SAXO2: variants seen among roughly 807,000 people sequenced by gnomAD.
SAXO2 encodes family with sequence similarity 154, member B.
In SAXO2, 17 loss-of-function variants were observed where a neutral mutation model predicts 18.7. The ratio of observed to expected loss-of-function variants is 0.91; its 90% CI spans 0.62 to 1.36. SAXO2 has a LOEUF of 1.36. SAXO2 is among the 40% of genes most tolerant of loss of function. The pLI, the probability that SAXO2 is intolerant of heterozygous loss-of-function variation, is 0.00. For missense variants in SAXO2, 486 were observed against 562.6 expected (o/e 0.86, Z 1.38); for synonymous variants, 163 against 181.2 (o/e 0.90, Z 0.81).
chr15:82,265,880 G>C (rs1413386423), intron 2 of SAXO2, 132 bp downstream of exon 2: 1 of 469,912 alleles, frequency 2.1e-6, no homozygotes. Flanking sequence ...CAAGAGACTA[G>C]TTAAGTCACA....
Position 82,282,635 on chromosome 15 carries a change from C to CAT in SAXO2, c.953_954dup (p.Gln319IlefsTer28), listed in dbSNP as rs1473492568. The CAT allele has an allele frequency of 4.3e-6, 7 of 1,614,016 alleles. No individual in the cohort carries two copies. Among genetic ancestry groups the CAT allele is most frequent in the African/African-American group, 1.3e-5 (1 of 74,918 alleles). ...AGCACAAGCCATCTTGACTATGTTCCATATCAGGCCAACCATGTTGTTCCC... is the reference window on the plus strand; with the variant it reads ...AGCACAAGCCATCTTGACTATGTTCCATATATCAGGCCAACCATGTTGTTCCC... On this transcript the variant is annotated frameshift_variant, in exon 4 of 4. Transcript: ENST00000682753. LOFTEE classifies it high-confidence loss of function.
chr15:82,279,233 T>C (rs1223991191), intron 3 of SAXO2, among the ~76,000 whole-genome samples: 1 of 151,912 alleles, frequency 6.6e-6, no homozygotes, highest in Middle Eastern at 3.2e-3. Context: ...TGGCCTCTTC[T>C]TTTTTCTTTT....
At chr15:82,278,833 G>T (rs1006583097) in intron 3 of SAXO2, among the ~76,000 whole-genome samples, 20 of 151,974 alleles carry the variant, frequency 1.3e-4, no homozygotes, top group African/African-American at 4.6e-4. Context: ...AGTAACAAAA[G>T]AAATTAGAAA....
chr15:82,263,189 G>C lies in SAXO2; in HGVS notation c.53+257G>C, dbSNP rs1300855966. 7.6e-6 allele frequency: 11 copies of C among 1,453,444 alleles called. No individual in the cohort carries two copies. In the South Asian group the frequency reaches 1.3e-4, roughly 17 times the overall value. 90.0% of individuals were successfully genotyped at this position (1,453,444 alleles called of 1,614,324 possible). On this transcript the variant is annotated intron_variant, in intron 1 of 3. Coordinates refer to ENST00000682753, the MANE Select transcript of SAXO2 (RefSeq NM_001348699.2). ...CAAAGTAAAATGCCACCCGGGCCAG[G>C]TAAGTAATATATGTGAAGCCGCGAC...
In SAXO2 at chr15:82,283,299, G is replaced by A; in HGVS notation, c.*237G>A. Reference sequence around the variant, plus strand: ...AAGGTTGAATAATATGCATTCCCATGAGAACTATTTTAGTATTCAACATAC... The same window carrying A: ...AAGGTTGAATAATATGCATTCCCATAAGAACTATTTTAGTATTCAACATAC... On this transcript the variant is annotated 3_prime_UTR_variant, in exon 4 of 4. Coordinates refer to ENST00000682753, the MANE Select transcript of SAXO2 (RefSeq NM_001348699.2). 1 of 290,850 alleles carries A rather than the reference G, an allele frequency of 3.4e-6. No homozygotes were observed. Among genetic ancestry groups the A allele is most frequent in the Non-Finnish European group, 6.2e-6 (1 of 161,470 alleles). The allele number at this position is 290,850 out of a possible 1,614,324, so 18.0% of individuals were successfully genotyped here.
At position 82,284,379 on chromosome 15, in the gene SAXO2, G is replaced by C. The variant is rs1397318451; in HGVS notation, c.*1317G>C. Reference sequence around the variant, plus strand: ...AGCTTGGAATGGGGTAAATACAGTGGTTTGAATAACAGTATTTGCAGAAAG... The same window carrying C: ...AGCTTGGAATGGGGTAAATACAGTGCTTTGAATAACAGTATTTGCAGAAAG... On this transcript the variant is annotated 3_prime_UTR_variant, in exon 4 of 4. Coordinates refer to ENST00000682753, the MANE Select transcript of SAXO2 (RefSeq NM_001348699.2). 1 of 152,012 alleles carries C rather than the reference G, an allele frequency of 6.6e-6. No homozygotes were observed. Among genetic ancestry groups the C allele is most frequent in the Non-Finnish European group, 1.5e-5 (1 of 67,996 alleles). The allele number at this position is 152,012 out of a possible 1,614,324, so 9.4% of individuals were successfully genotyped here. A position where few individuals can be genotyped will look rare whatever the true frequency, so the allele number is the denominator to read the frequency against.
At chr15:82,263,583 GT>G (rs2075166295) in intron 1 of SAXO2, 1 of 600,026 alleles carries the variant, frequency 1.7e-6, no homozygotes, top group Non-Finnish European at 3.0e-6. Flanking sequence ...AAATATGAAC[GT>G]TGTCAATCCC....
At chr15:82,269,782 C>G (rs149195799) in intron 2 of SAXO2, among the ~76,000 whole-genome samples, 2 of 152,206 alleles carry the variant, frequency 1.3e-5, no homozygotes, top group African/African-American at 2.4e-5. Flanking sequence ...TGAGCTGTTG[C>G]AAAAACTTTG....
intron 1 of SAXO2, among the ~76,000 whole-genome samples, chr15:82,263,664 C>T (rs1440529846): frequency 6.6e-6 from 1 of 152,150 alleles, no homozygotes; most frequent in African/African-American, 2.4e-5. Flanking sequence ...TTAATAGTCT[C>T]ATAATAAACA....
chr15:82,271,700 A>C lies in SAXO2; in HGVS notation c.331A>C (p.Lys111Gln). The C allele has an allele frequency of 6.2e-7, 1 of 1,614,164 alleles. No homozygotes were observed. The highest frequency in any genetic ancestry group is 8.5e-7 in the Non-Finnish European group (1 of 1,180,008). Residue 111 changes from lysine to glutamine, a missense_variant, in exon 3 of 4, where the codon AAA becomes CAA. Physicochemically the swap from Lys to Gln is moderately conservative, Grantham distance 53 (BLOSUM62 1). Transcript: ENST00000682753. The part of the protein sequence containing the change: ...QGKIDLGTTY[K>Q]RDLNSYKVQP... ...GAAGATTGATCTTGGTACTACCTAC[A>C]AACGGGATTTGAATTCGTATAAAGT...
intron 3 of SAXO2, among the ~76,000 whole-genome samples, chr15:82,277,452 A>G (rs541640918): frequency 2.0e-5 from 3 of 152,338 alleles, no homozygotes; most frequent in Non-Finnish European, 4.4e-5. Flanking sequence ...AAGAAGAAAT[A>G]AAAAGTCAAA....
chr15:82,283,034 A>G lies in SAXO2; in HGVS notation c.1349A>G (p.Lys450Arg). 2 of 1,613,270 alleles carry G rather than the reference A, an allele frequency of 1.2e-6. No individual in the cohort carries two copies. Among genetic ancestry groups the G allele is most frequent in the Non-Finnish European group, 1.7e-6 (2 of 1,179,662 alleles). Residue 450 changes from lysine to arginine, a missense_variant, in exon 4 of 4, where the codon AAG (lysine) becomes AGG (arginine). Physicochemically the swap from Lys to Arg is conservative, Grantham distance 26. Transcript: ENST00000682753. ...TCCCAAGGTCATAAATTCTTCCGCA[A>G]GATTATTCCTGCAGTGAAGGCCTTC... is the stretch of plus-strand genomic sequence containing the variant. ...TNSQGHKFFRKIIPAVKAF is the reference protein window; with the variant it reads ...TNSQGHKFFRRIIPAVKAF
At chr15:82,269,569 GT>G (rs1852876345) in intron 2 of SAXO2, among the ~76,000 whole-genome samples, 1 of 152,072 alleles carries the variant, frequency 6.6e-6, no homozygotes, top group Non-Finnish European at 1.5e-5. Context: ...AGGTTTTTCT[GT>G]TTTGTTTTTT....
chr15:82,284,876 A>G lies in SAXO2; in HGVS notation c.*1814A>G, dbSNP rs991186812. 6.6e-6 allele frequency: 1 copy of G among 152,214 alleles called. No homozygotes were observed. Among genetic ancestry groups the G allele is most frequent in the Non-Finnish European group, 1.5e-5 (1 of 68,040 alleles). 9.4% of individuals were successfully genotyped at this position (152,214 alleles called of 1,614,324 possible). A position where few individuals can be genotyped will look rare whatever the true frequency, so the allele number is the denominator to read the frequency against. On this transcript the variant is annotated 3_prime_UTR_variant, in exon 4 of 4. Coordinates refer to ENST00000682753, the MANE Select transcript of SAXO2 (RefSeq NM_001348699.2). Reference sequence around the variant, plus strand: ...TAGTAAAAGTATGGTGTGTGAAACTATATTTCCATGCAACATAATAAAATC... The same window carrying G: ...TAGTAAAAGTATGGTGTGTGAAACTGTATTTCCATGCAACATAATAAAATC...
Position 82,282,278 on chromosome 15 carries a change from T to G in SAXO2, c.593T>G (p.Val198Gly). ...CAAAGCTTTAAACCCTCCTCTGTGGTCAAACGTTCTACAGCCCCTTTTAAT... is the reference window on the plus strand; with the variant it reads ...CAAAGCTTTAAACCCTCCTCTGTGGGCAAACGTTCTACAGCCCCTTTTAAT... ...PRQSFKPSSV[V>G]KRSTAPFNGI... The change falls in exon 4 of 4, where the codon GTC becomes GGC. Residue 198 changes from valine (V) to glycine (G), a missense_variant. Physicochemically the swap from Val to Gly is moderately radical, Grantham distance 109. Transcript: ENST00000682753. 6.2e-7 allele frequency: 1 copy of G among 1,614,194 alleles called. No individual in the cohort carries two copies. The highest frequency in any genetic ancestry group is 8.5e-7 in the Non-Finnish European group (1 of 1,180,040).
intron 2 of SAXO2, among the ~76,000 whole-genome samples, chr15:82,269,329 T>C (rs1567089259): frequency 6.6e-6 from 1 of 152,106 alleles, no homozygotes; most frequent in Non-Finnish European, 1.5e-5. Flanking sequence ...ACCTGAAGGA[T>C]GTCAAATTAA....
Position 82,273,302 on chromosome 15 carries a change from A to T in SAXO2, c.433+1500A>T, listed in dbSNP as rs527302509. Among the ~76,000 whole-genome samples, 4 of 152,290 alleles carry T rather than the reference A, an allele frequency of 2.6e-5. No homozygotes were observed. In the East Asian group the frequency reaches 7.7e-4, roughly 29 times the overall value. On this transcript the variant is annotated intron_variant, in intron 3 of 3. Coordinates refer to ENST00000682753, the MANE Select transcript of SAXO2 (RefSeq NM_001348699.2). Reference sequence around the variant, plus strand: ...TTAATAATGTAATTACATATATAGGATTACATTTTTCCATTGGTTATGTAA... The same window carrying T: ...TTAATAATGTAATTACATATATAGGTTTACATTTTTCCATTGGTTATGTAA...
chr15:82,272,574 T>G (rs999474157), intron 3 of SAXO2, among the ~76,000 whole-genome samples: 16 of 152,266 alleles, frequency 1.1e-4, no homozygotes, highest in African/African-American at 3.6e-4. Flanking sequence ...CAGAGTCTCG[T>G]TCTGTCACCC....
chr15:82,266,774 T>A (rs2141361473), intron 2 of SAXO2, among the ~76,000 whole-genome samples: 1 of 152,356 alleles, frequency 6.6e-6, no homozygotes, highest in Non-Finnish European at 1.5e-5. Context: ...TATCATTAGA[T>A]TAGTTTCAGT....
Sources: gnomAD v4.1 joint callset for allele counts (sites outside exome capture counted in the v4.1 genomes callset) on GRCh38, gnomAD v4.1.1 for gene constraint, MANE v1.5 for transcripts, NCBI Gene and HGNC (gene_info 2026-07-23, HGNC 2026-07-21) for gene names.